TCF12: variants seen among roughly 807,000 people sequenced by gnomAD.
TCF12 encodes DNA-binding protein HTF4.
Under a neutral mutation model 86.0 loss-of-function variants are expected in TCF12, and 45 were observed. The observed-to-expected ratio is 0.52, with a 90% confidence interval of 0.41 to 0.67. TCF12 has a LOEUF of 0.67. TCF12 is among the 30% of genes least tolerant of loss of function. The probability of loss-of-function intolerance (pLI) is 0.00; values close to 1 mark genes in which losing one functional copy is unlikely to be tolerated. For missense variants in TCF12, 881 were observed against 859.9 expected (o/e 1.02, Z -0.31); for synonymous variants, 330 against 299.6 (o/e 1.10, Z -1.05).
At position 56,964,434 on chromosome 15, in the gene TCF12, A is replaced by G. The variant is rs188299361; in HGVS notation, c.148+43336A>G. Among the ~76,000 whole-genome samples the G allele has an allele frequency of 4.4e-4, 67 of 151,778 alleles. No individual in the cohort carries two copies. The East Asian group carries it at 9.1e-3, about 21-fold the overall frequency. ...TTTCTCTCTCTCTTTTCCATTCTCAATCTCAACTTTCACTCCTGGTTTTGC... is the reference window on the plus strand; with the variant it reads ...TTTCTCTCTCTCTTTTCCATTCTCAGTCTCAACTTTCACTCCTGGTTTTGC... On this transcript the variant is annotated intron_variant, in intron 3 of 20. Coordinates refer to ENST00000333725, the MANE Select transcript of TCF12 (RefSeq NM_207037.2).
intron 3 of TCF12, among the ~76,000 whole-genome samples, chr15:57,062,302 T>G (rs1329083146): frequency 6.6e-6 from 1 of 152,002 alleles, no homozygotes; most frequent in Non-Finnish European, 1.5e-5. Flanking sequence ...ATAGAATATC[T>G]CTTAAATTTG....
At chr15:56,991,058 A>C (rs1248969033) in intron 3 of TCF12, among the ~76,000 whole-genome samples, 1 of 152,128 alleles carries the variant, frequency 6.6e-6, no homozygotes, top group Non-Finnish European at 1.5e-5. Flanking sequence ...AGCCTCCCAA[A>C]GTGCTGACAT....
intron 5 of TCF12, among the ~76,000 whole-genome samples, chr15:57,100,348 T>C (rs1192420684): frequency 3.9e-5 from 6 of 152,194 alleles, no homozygotes; most frequent in Admixed American, 6.5e-5. Context: ...GGACACTGTT[T>C]TGATTTAAGA....
At chr15:57,041,768 A>G (rs1177528772) in intron 3 of TCF12, among the ~76,000 whole-genome samples, 1 of 152,218 alleles carries the variant, frequency 6.6e-6, no homozygotes, top group African/African-American at 2.4e-5. Context: ...AAAAAAAAAT[A>G]GGAAAATGGT....
intron 8 of TCF12, among the ~76,000 whole-genome samples, chr15:57,210,014 T>C (rs973785320): frequency 6.6e-6 from 1 of 152,186 alleles, no homozygotes; most frequent in Admixed American, 6.5e-5. Context: ...CCATCCTATA[T>C]AAAAGGGCAA....
chr15:57,035,430 A>G (rs114263913), intron 3 of TCF12, among the ~76,000 whole-genome samples: 1,742 of 152,112 alleles, frequency 0.011, 30 homozygotes, highest in African/African-American at 0.039. Flanking sequence ...TGCCTGGCTA[A>G]TTTTTTAAAA....
chr15:57,223,642 GGT>G, intron 8 of TCF12, among the ~76,000 whole-genome samples: 1 of 34,272 alleles, frequency 2.9e-5, no homozygotes, highest in African/African-American at 5.9e-5. Context: ...CTACCAATGA[GGT>G]TTTTTTTTTT....
At chr15:57,032,749 C>G (rs1446345506) in intron 3 of TCF12, among the ~76,000 whole-genome samples, 12 of 152,176 alleles carry the variant, frequency 7.9e-5, no homozygotes, top group Non-Finnish European at 1.8e-4. Flanking sequence ...CTGGCTGATC[C>G]TTAGTTTTAT....
chr15:57,182,928 G>A (rs1263692648), intron 6 of TCF12, among the ~76,000 whole-genome samples: 4 of 152,126 alleles, frequency 2.6e-5, no homozygotes, highest in African/African-American at 9.7e-5. Flanking sequence ...TCTTAGAAAT[G>A]ATGCATGTTC....
chr15:57,075,782 CTT>C (rs1491175469), intron 4 of TCF12, among the ~76,000 whole-genome samples: 218 of 52,868 alleles, frequency 4.1e-3, no homozygotes, highest in African/African-American at 0.016. Context: ...TTCTTTCTTT[CTT>C]TCTTTCTTTC....
intron 5 of TCF12, among the ~76,000 whole-genome samples, chr15:57,095,851 A>G (rs571015769): frequency 5.9e-5 from 9 of 152,290 alleles, no homozygotes; most frequent in Middle Eastern, 3.4e-3. Context: ...AATCTCATAA[A>G]TTTAATAACT....
intron 3 of TCF12, 76 bp downstream of exon 3, chr15:56,921,174 C>A: frequency 3.7e-6 from 4 of 1,080,174 alleles, no homozygotes; most frequent in Non-Finnish European, 5.2e-6. Flanking sequence ...GAAAGCATAA[C>A]ATTTAAATAT....
chr15:56,968,500 G>T (rs1197779828), intron 3 of TCF12, among the ~76,000 whole-genome samples: 1 of 152,018 alleles, frequency 6.6e-6, no homozygotes, highest in African/African-American at 2.4e-5. Flanking sequence ...GAAACTACAG[G>T]TGCATGCCAC....
intron 5 of TCF12, among the ~76,000 whole-genome samples, chr15:57,148,974 C>T (rs1158246658): frequency 6.6e-6 from 1 of 152,116 alleles, no homozygotes; most frequent in Admixed American, 6.6e-5. Context: ...AGTCTTAAAT[C>T]TATGTTTACA....
At chr15:57,080,991 G>A (rs541397139) in intron 4 of TCF12, among the ~76,000 whole-genome samples, 32 of 152,246 alleles carry the variant, frequency 2.1e-4, no homozygotes, top group Non-Finnish European at 3.8e-4. Context: ...AATGTCTGCA[G>A]TAGATGTTCA....
At chr15:56,969,274 C>G (rs1483574021) in intron 3 of TCF12, among the ~76,000 whole-genome samples, 1 of 152,104 alleles carries the variant, frequency 6.6e-6, no homozygotes, top group African/African-American at 2.4e-5. Flanking sequence ...TCATAAACTT[C>G]AGTAGGATCA....
At chr15:57,073,596 C>A (rs2069605361) in intron 4 of TCF12, among the ~76,000 whole-genome samples, 1 of 152,202 alleles carries the variant, frequency 6.6e-6, no homozygotes, top group African/African-American at 2.4e-5. Flanking sequence ...GATAACTTAT[C>A]AGATATTAAA....
At chr15:57,282,233 C>CA (rs2061723391) in intron 19 of TCF12, 6 of 591,314 alleles carry the variant, frequency 1.0e-5, no homozygotes, top group African/African-American at 1.9e-5. Flanking sequence ...AAATCATAAG[C>CA]AAAAAATGAA....
intron 8 of TCF12, among the ~76,000 whole-genome samples, chr15:57,201,440 C>T (rs1292349808): frequency 6.6e-6 from 1 of 151,936 alleles, no homozygotes; most frequent in Non-Finnish European, 1.5e-5. Context: ...GAGAATGGAC[C>T]AGACAGGTAA....
Sources: gnomAD v4.1 joint callset for allele counts (sites outside exome capture counted in the v4.1 genomes callset) on GRCh38, gnomAD v4.1.1 for gene constraint, MANE v1.5 for transcripts, NCBI Gene and HGNC (gene_info 2026-07-23, HGNC 2026-07-21) for gene names.